DYNC2H1: variants seen among roughly 807,000 people sequenced by gnomAD.
The protein encoded by DYNC2H1 is cytoplasmic dynein 2 heavy chain 1.
Under a neutral mutation model 570.0 loss-of-function variants are expected in DYNC2H1, and 410 were observed. The ratio of observed to expected loss-of-function variants is 0.72; its 90% confidence interval spans 0.66 to 0.78. The LOEUF (loss-of-function observed/expected upper bound fraction) is 0.78. Ranked by LOEUF, DYNC2H1 falls within the 30% of genes least tolerant of loss-of-function variation. The pLI, the probability that DYNC2H1 is intolerant of heterozygous loss-of-function variation, is 0.00. For synonymous variants in DYNC2H1, 1,688 were observed against 1,677.6 expected (o/e 1.01, Z -0.15); for missense variants, 4,865 against 5,046.4 (o/e 0.96, Z 1.09).
At chr11:103,398,004 G>A (rs1177718410) in intron 83 of DYNC2H1, among the ~76,000 whole-genome samples, 2 of 152,186 alleles carry the variant, frequency 1.3e-5, no homozygotes, top group East Asian at 3.8e-4. Context: ...TCTATTAAGT[G>A]ACAGTGCAAA....
At position 103,309,168 on chromosome 11, in the gene DYNC2H1, A is replaced by ATTTTTTTTTTTTTTTTTTTTTTTTTTTT. The variant is rs386374721; in HGVS notation, c.11493+1361_11493+1362insTTTTTTTTTTTTTTTTTTTTTTTTTTTT. On this transcript the variant is annotated intron_variant, in intron 78 of 88. Coordinates refer to ENST00000375735, the MANE Select transcript of DYNC2H1 (RefSeq NM_001377.3). Reference sequence around the variant, plus strand: ...TTATTAGTGTTTGTAACTGCATGCTATTTTTTTTTTTTTTTTTTTTTTTTG... The same window carrying ATTTTTTTTTTTTTTTTTTTTTTTTTTTT: ...TTATTAGTGTTTGTAACTGCATGCTATTTTTTTTTTTTTTTTTTTTTTTTTTTTTTTTTTTTTTTTTTTTTTTTTTTTG... Among the ~76,000 whole-genome samples, 150 of 54,642 alleles carry ATTTTTTTTTTTTTTTTTTTTTTTTTTTT rather than the reference A, an allele frequency of 2.7e-3. 34 individuals carry two copies. The highest frequency in any genetic ancestry group is 3.8e-3 in the Non-Finnish European group (113 of 29,368). The allele number at this position is 54,642 out of a possible 152,430, so 35.8% of individuals were successfully genotyped here.
chr11:103,119,730 G>C (rs1269480028), intron 6 of DYNC2H1, among the ~76,000 whole-genome samples: 1 of 152,098 alleles, frequency 6.6e-6, no homozygotes, highest in Non-Finnish European at 1.5e-5. Flanking sequence ...CCTAGAATTA[G>C]TAATTTTTTT....
At chr11:103,124,417 G>T (rs1858878578) in intron 11 of DYNC2H1, among the ~76,000 whole-genome samples, 1 of 130,216 alleles carries the variant, frequency 7.7e-6, no homozygotes, top group Non-Finnish European at 1.5e-5. Context: ...CTGCACTCCA[G>T]CCTGGGTGTT....
chr11:103,435,498 T>G (rs1565597335), intron 84 of DYNC2H1, among the ~76,000 whole-genome samples: 1 of 152,046 alleles, frequency 6.6e-6, no homozygotes. Flanking sequence ...ATGTACTCCT[T>G]TTTATTTTTT....
At chr11:103,308,134 T>G (rs1369290631) in intron 78 of DYNC2H1, among the ~76,000 whole-genome samples, 1 of 152,196 alleles carries the variant, frequency 6.6e-6, no homozygotes, top group Non-Finnish European at 1.5e-5. Context: ...CTGTAGAACT[T>G]TTTTTATCTT....
At chr11:103,339,486 C>T (rs10895400) in intron 82 of DYNC2H1, among the ~76,000 whole-genome samples, 33,010 of 152,186 alleles carry the variant, frequency 0.22, 3,722 homozygotes, top group Admixed American at 0.31. Context: ...AGACCTGCAA[C>T]TGAAGGCTTT....
rs185317600 is a variant in DYNC2H1, at chr11:103,396,708, T to G, written c.12157-2955T>G. ...TGTACCAAATTAGACAAATTTTTCT[T>G]GCCTAAATGAGTTTTCTTGCTTAAT... On this transcript the variant is annotated intron_variant, in intron 83 of 88. Coordinates refer to ENST00000375735, the MANE Select transcript of DYNC2H1 (RefSeq NM_001377.3). Among the ~76,000 whole-genome samples, 4 of 152,354 alleles carry G rather than the reference T, an allele frequency of 2.6e-5. No homozygotes were observed. In the East Asian group the frequency reaches 7.7e-4, roughly 29 times the overall value.
At chr11:103,315,016 T>A (rs184656505) in intron 79 of DYNC2H1, among the ~76,000 whole-genome samples, 338 of 152,222 alleles carry the variant, frequency 2.2e-3, no homozygotes, top group Admixed American at 3.3e-3. Context: ...TGGGTACATA[T>A]CCTTTAGAGA....
At chr11:103,346,813 T>C (rs1939767039) in intron 82 of DYNC2H1, among the ~76,000 whole-genome samples, 3 of 152,308 alleles carry the variant, frequency 2.0e-5, no homozygotes, top group South Asian at 4.1e-4. Context: ...ATAATAAATA[T>C]GGCAGGAATG....
rs145598934 is a variant in DYNC2H1, at chr11:103,125,355, T to C, written c.1857+60T>C. The C allele has an allele frequency of 1.4e-3, 1,623 of 1,166,292 alleles. 47 individuals carry two copies. In the East Asian group the frequency reaches 0.04, roughly 29 times the overall value. 72.2% of individuals were successfully genotyped at this position (1,166,292 alleles called of 1,614,324 possible). ...TGGAGTTCATTACGTTAAACTAGAA[T>C]ATGCTAAAGGCTTTTTTTTTTTTTT... On this transcript the variant is annotated intron_variant, in intron 12 of 88. Coordinates refer to ENST00000375735, the MANE Select transcript of DYNC2H1 (RefSeq NM_001377.3).
chr11:103,154,347 G>A (rs955037007), intron 22 of DYNC2H1, 104 bp from the exon 23 acceptor site: 1 of 931,404 alleles, frequency 1.1e-6, no homozygotes, highest in Non-Finnish European at 1.5e-6. Flanking sequence ...ACACAAGTGT[G>A]TGTGTACACA....
At chr11:103,440,177 T>G (rs1341424370) in intron 85 of DYNC2H1, among the ~76,000 whole-genome samples, 1 of 152,166 alleles carries the variant, frequency 6.6e-6, no homozygotes, top group Non-Finnish European at 1.5e-5. Context: ...AGCCAGGATA[T>G]AGAGAGAGAT....
intron 84 of DYNC2H1, among the ~76,000 whole-genome samples, chr11:103,420,185 T>C (rs1943431007): frequency 6.6e-6 from 1 of 151,640 alleles, no homozygotes; most frequent in Non-Finnish European, 1.5e-5. Context: ...AGAGATCCAT[T>C]CTGGGGAGAA....
chr11:103,134,252 G>A, intron 14 of DYNC2H1, 69 bp from the exon 15 acceptor site: 2 of 1,376,784 alleles, frequency 1.5e-6, no homozygotes, highest in East Asian at 2.3e-5. Context: ...TATCTGTCAG[G>A]TTTCTCCACT....
At position 103,199,398 on chromosome 11, in the gene DYNC2H1, C is replaced by T. The variant is rs754367269; in HGVS notation, c.8010C>T (p.His2670=). The T allele has an allele frequency of 2.7e-5, 43 of 1,612,872 alleles. No homozygotes were observed. The highest frequency in any genetic ancestry group is 3.1e-5 in the Non-Finnish European group (37 of 1,179,570). ...GRRTITSLVS[H]MHGAVLFSPK... ...GGACCATCACTTCTTTAGTCAGTCA[C>T]ATGCATGGAGCGGTCCTGTTTTCTC... The change falls in exon 49 of 89, where the codon CAC becomes CAT. Residue 2670 remains histidine, a synonymous_variant. Coordinates refer to ENST00000375735, the MANE Select transcript of DYNC2H1 (RefSeq NM_001377.3). The surrounding 1 kb of genome is among the most constrained non-coding windows in gnomAD (Gnocchi z 4.6).
At chr11:103,223,956 G>C (rs1183162707) in intron 59 of DYNC2H1, among the ~76,000 whole-genome samples, 1 of 151,510 alleles carries the variant, frequency 6.6e-6, no homozygotes, top group Non-Finnish European at 1.5e-5. Flanking sequence ...CCATGTTGGC[G>C]AAGATGATCT....
chr11:103,332,016 T>G (rs2135462689), intron 82 of DYNC2H1, among the ~76,000 whole-genome samples: 1 of 150,902 alleles, frequency 6.6e-6, no homozygotes, highest in East Asian at 2.0e-4. Context: ...GCCGAGATCG[T>G]GCCACTGCAC....
rs996313502 is a variant in DYNC2H1, at chr11:103,252,204, C to T, written c.10043-1081C>T. On this transcript the variant is annotated intron_variant, in intron 65 of 88. Coordinates refer to ENST00000375735, the MANE Select transcript of DYNC2H1 (RefSeq NM_001377.3). This position sits in a 1 kb window ranked among gnomAD's most constrained non-coding sequence, Gnocchi z 4.6. ...TCCGTCTCAACCTCCCAAAATGATGCGATTACAGGCATAAGCAGCCGTGCC... is the reference window on the plus strand; with the variant it reads ...TCCGTCTCAACCTCCCAAAATGATGTGATTACAGGCATAAGCAGCCGTGCC... 4.0e-5 allele frequency among the ~76,000 whole-genome samples: 6 copies of T among 151,686 alleles called. No individual in the cohort carries two copies. Among genetic ancestry groups the T allele is most frequent in the Admixed American group, 6.6e-5 (1 of 15,196 alleles).
intron 83 of DYNC2H1, among the ~76,000 whole-genome samples, chr11:103,388,365 C>A (rs1414843653): frequency 6.6e-6 from 1 of 152,284 alleles, no homozygotes; most frequent in South Asian, 2.1e-4. Flanking sequence ...TATCCTGAGA[C>A]TTTGCTGAAG....
Sources: gnomAD v4.1 joint callset for allele counts (sites outside exome capture counted in the v4.1 genomes callset) on GRCh38, gnomAD v4.1.1 for gene constraint, Gnocchi (gnomAD v3.1) non-coding constraint, MANE v1.5 for transcripts, NCBI Gene and HGNC (gene_info 2026-07-23, HGNC 2026-07-21) for gene names.